The following FAM47E variants were observed in gnomAD, a reference collection of about 807,000 sequenced individuals.
The protein encoded by FAM47E is protein FAM47E.
A neutral mutation model predicts 41.6 loss-of-function variants in FAM47E; 32 were observed. The ratio of observed to expected loss-of-function variants is 0.77; its 90% CI spans 0.58 to 1.03. The LOEUF is 1.03. Ranked by LOEUF, FAM47E falls within the 50% of genes least tolerant of loss-of-function variation. The pLI, the probability that FAM47E is intolerant of heterozygous loss-of-function variation, is 0.00. For missense variants in FAM47E, 424 were observed against 485.4 expected, an observed-to-expected ratio of 0.87 and a Z score of 1.19; for synonymous variants, 184 against 188.7, an observed-to-expected ratio of 0.98 and a Z score of 0.20.
chr4:76,224,069 G>T (rs1272893559), intron 2 of FAM47E, among the ~76,000 whole-genome samples: 1 of 152,144 alleles, frequency 6.6e-6, no homozygotes, highest in Non-Finnish European at 1.5e-5. Context: ...TATTGAATAG[G>T]TATTAAACCA....
chr4:76,282,181 A>G (rs1460280689), intron 7 of FAM47E: 4 of 152,210 alleles, frequency 2.6e-5, no homozygotes, highest in Admixed American at 2.6e-4. Flanking sequence ...TATGATTAGC[A>G]AGATATTAAT....
rs866398198 is a variant in FAM47E at position 76,268,037 on chromosome 4, T to C, written c.561-623T>C. 2.0e-4 allele frequency: 31 copies of C among 152,278 alleles called. 1 individual carries two copies. The highest frequency in any genetic ancestry group is 5.5e-4 in the African/African-American group (23 of 41,472). The allele number at this position is 152,278 out of a possible 1,614,324, so 9.4% of individuals were successfully genotyped here. On this transcript the variant is annotated intron_variant, in intron 3 of 7. Transcript: ENST00000424749. ...CTTTTGAAGTGGTAAATTTTATGAATTTCATGGTGGATGAATTATATCTCA... is the reference window on the plus strand; with the variant it reads ...CTTTTGAAGTGGTAAATTTTATGAACTTCATGGTGGATGAATTATATCTCA...
intron 2 of FAM47E, among the ~76,000 whole-genome samples, chr4:76,218,854 A>G (rs184225087): frequency 2.0e-3 from 300 of 152,336 alleles, no homozygotes; most frequent in Non-Finnish European, 2.4e-3. Context: ...TATGTCAGCA[A>G]TATTATCTGC....
chr4:76,227,271 T>C (rs1733414441), intron 2 of FAM47E, among the ~76,000 whole-genome samples: 1 of 152,216 alleles, frequency 6.6e-6, no homozygotes, highest in Admixed American at 6.5e-5. Context: ...TTTGATTTCA[T>C]TGTTGTTCCA....
chr4:76,268,783 T>C lies in FAM47E; in HGVS notation c.669+15T>C, dbSNP rs1404614880. 1.3e-6 allele frequency: 2 copies of C among 1,551,026 alleles called. No homozygotes were observed. The highest frequency in any genetic ancestry group is 2.4e-5 in the South Asian group (2 of 83,870). On this transcript the variant is annotated intron_variant, in intron 4 of 7. Transcript: ENST00000424749. ...TTCATGAAAATGTATGCAAAGCAGTTAGTGACTTCTGCAAGTGGGTTACTA... is the reference window on the plus strand; with the variant it reads ...TTCATGAAAATGTATGCAAAGCAGTCAGTGACTTCTGCAAGTGGGTTACTA...
chr4:76,229,103 T>C (rs1038784917), intron 2 of FAM47E, among the ~76,000 whole-genome samples: 2 of 152,208 alleles, frequency 1.3e-5, no homozygotes, highest in Non-Finnish European at 2.9e-5. Context: ...TGAAATTCTT[T>C]CTTCTACTTG....
chr4:76,267,656 T>C (rs1466418746), intron 3 of FAM47E: 1 of 152,240 alleles, frequency 6.6e-6, no homozygotes, highest in Non-Finnish European at 1.5e-5. Context: ...GATATGTTTG[T>C]GAATGGATAA....
chr4:76,256,600 C>T, intron 2 of FAM47E, 77 bp downstream of exon 2: 1 of 1,428,158 alleles, frequency 7.0e-7, no homozygotes, highest in South Asian at 1.5e-5. Context: ...CTAGGAAGTC[C>T]CCATGAGAGG....
intron 7 of FAM47E, 103 bp from the exon 8 acceptor site, chr4:76,283,278 A>G (rs1735434509): frequency 3.1e-6 from 2 of 651,340 alleles, no homozygotes; most frequent in East Asian, 2.8e-5. Context: ...GATATATATT[A>G]GAGTGTGAAA....
Position 76,268,477 on chromosome 4 carries a change from GT to G in FAM47E, c.561-182del, listed in dbSNP as rs1734737608. ...TATTATAACTAATCATGATATACTT[GT>G]CTTTATGATATTCGTAATGAGAATG... On this transcript the variant is annotated intron_variant, in intron 3 of 7. Coordinates refer to ENST00000424749, the MANE Select transcript of FAM47E (RefSeq NM_001136570.3). 3 of 573,546 alleles carry G rather than the reference GT, an allele frequency of 5.2e-6. No homozygotes were observed. The South Asian group carries it at 7.4e-5, about 14-fold the overall frequency. 35.5% of individuals were successfully genotyped at this position (573,546 alleles called of 1,614,324 possible).
intron 2 of FAM47E, among the ~76,000 whole-genome samples, chr4:76,259,370 A>C (rs983344612): frequency 2.0e-5 from 3 of 152,226 alleles, no homozygotes; most frequent in Non-Finnish European, 4.4e-5. Context: ...TCTTATATTT[A>C]CCACTAAATC....
intron 3 of FAM47E, among the ~76,000 whole-genome samples, chr4:76,265,817 C>T (rs944928835): frequency 3.9e-5 from 6 of 152,208 alleles, no homozygotes; most frequent in African/African-American, 1.4e-4. Context: ...ACACATATAT[C>T]TGATGAACCT....
At chr4:76,216,331 T>G (rs1733207154) in intron 1 of FAM47E, among the ~76,000 whole-genome samples, 2 of 152,292 alleles carry the variant, frequency 1.3e-5, no homozygotes, top group South Asian at 4.1e-4. Flanking sequence ...AAAAATTTGG[T>G]AACTTGCCTG....
intron 4 of FAM47E, among the ~76,000 whole-genome samples, chr4:76,271,009 T>C (rs1262995975): frequency 6.6e-6 from 1 of 152,220 alleles, no homozygotes; most frequent in Non-Finnish European, 1.5e-5. Context: ...AGTTTCTGTT[T>C]TCCAGTGTGA....
upstream of FAM47E, among the ~76,000 whole-genome samples, chr4:76,251,237 A>T (rs1225711577): frequency 6.6e-6 from 1 of 152,124 alleles, no homozygotes; most frequent in Non-Finnish European, 1.5e-5. Flanking sequence ...TCAGCTGGGG[A>T]CTAGAGACAG....
At chr4:76,270,715 G>A (rs1472059313) in intron 4 of FAM47E, among the ~76,000 whole-genome samples, 1 of 152,146 alleles carries the variant, frequency 6.6e-6, no homozygotes, top group Non-Finnish European at 1.5e-5. Context: ...CAGACCCTGT[G>A]ACCAAGCTCC....
chr4:76,269,575 C>T (rs1578794191), intron 4 of FAM47E: 2 of 151,892 alleles, frequency 1.3e-5, no homozygotes, highest in South Asian at 4.2e-4. Context: ...GAGATTGCGC[C>T]ACTGTACTCC....
chr4:76,267,723 T>C (rs1734700912), intron 3 of FAM47E: 1 of 152,212 alleles, frequency 6.6e-6, no homozygotes, highest in Non-Finnish European at 1.5e-5. Flanking sequence ...AATAAACTAC[T>C]AATACATGCT....
At chr4:76,282,883 ATATGTGTGTG>A (rs2110032501) in intron 7 of FAM47E, 1 of 152,912 alleles carries the variant, frequency 6.5e-6, no homozygotes, top group East Asian at 1.9e-4. Context: ...GTATATAAAT[ATATGTGTGTG>A]TATGTGTGTG....
Sources: gnomAD v4.1 joint callset for allele counts (sites outside exome capture counted in the v4.1 genomes callset) on GRCh38, gnomAD v4.1.1 for gene constraint, MANE v1.5 for transcripts, NCBI Gene and HGNC (gene_info 2026-07-23, HGNC 2026-07-21) for gene names.